The following RHBDL2 variants were observed in gnomAD, a reference collection of about 807,000 sequenced individuals.
RHBDL2 encodes rhomboid-related protein 2.
RHBDL2 carries 26 observed loss-of-function variants against 31.7 expected under a neutral mutation model. The observed-to-expected ratio is 0.82, with a 90% CI of 0.60 to 1.14. RHBDL2 has a LOEUF of 1.14. Among genes scored for constraint, RHBDL2 ranks in the 50% most tolerant of loss-of-function variants. RHBDL2 has a pLI of 0.00. For synonymous variants in RHBDL2, 123 were observed against 127.2 expected (o/e 0.97, Z 0.22); for missense variants, 336 against 364.4 (o/e 0.92, Z 0.63).
In RHBDL2 at chr1:38,918,953, C is replaced by T. The variant is rs61750827; in HGVS notation, c.246+14G>A. 86,175 of 1,606,614 alleles carry T rather than the reference C, an allele frequency of 0.054. 2,671 individuals are homozygous for T. Among genetic ancestry groups the T allele is most frequent in the Non-Finnish European group, 0.061 (71,575 of 1,174,662 alleles). ...ATGCCACTTACCCCGGTGCCCACCC[C>T]GCTCCCCATTCACCTCGGCCAGGCT... On this transcript the variant is annotated intron_variant, in intron 2 of 7. Coordinates refer to ENST00000372990, the MANE Select transcript of RHBDL2 (RefSeq NM_017821.5).
intron 5 of RHBDL2, among the ~76,000 whole-genome samples, 153 bp from the exon 6 acceptor site, chr1:38,893,377 T>C (rs1049374594): frequency 1.3e-5 from 2 of 152,202 alleles, no homozygotes; most frequent in South Asian, 2.1e-4. Context: ...AGTTTTTAAA[T>C]GTATTTGGGA....
At chr1:38,917,504 C>T (rs1322895848) in intron 2 of RHBDL2, among the ~76,000 whole-genome samples, 1 of 152,124 alleles carries the variant, frequency 6.6e-6, no homozygotes. Flanking sequence ...AGGTTTGTAC[C>T]ACGATACCTT....
chr1:38,913,272 C>T (rs902013525), intron 3 of RHBDL2, among the ~76,000 whole-genome samples: 2 of 152,008 alleles, frequency 1.3e-5, no homozygotes, highest in Admixed American at 1.3e-4. Context: ...AGCCACTGCA[C>T]CCAGCCTACT....
chr1:38,938,439 A>G (rs1287052135), intron 1 of RHBDL2, among the ~76,000 whole-genome samples: 3 of 151,796 alleles, frequency 2.0e-5, no homozygotes, highest in East Asian at 3.9e-4. Flanking sequence ...CATTTCCCCA[A>G]ATATACCCTA....
intron 5 of RHBDL2, among the ~76,000 whole-genome samples, 175 bp from the exon 6 acceptor site, chr1:38,893,399 C>T (rs1421146396): frequency 6.6e-6 from 1 of 152,098 alleles, no homozygotes; most frequent in East Asian, 1.9e-4. Context: ...GTACAATGCA[C>T]TTTGGAGAAT....
intron 4 of RHBDL2, 37 bp from the exon 5 acceptor site, chr1:38,896,106 T>C: frequency 7.0e-7 from 1 of 1,430,396 alleles, no homozygotes; most frequent in South Asian, 1.2e-5. Flanking sequence ...GACATGACTA[T>C]ACGGATCAGG....
At chr1:38,925,609 G>C (rs1643366872) in intron 1 of RHBDL2, among the ~76,000 whole-genome samples, 1 of 151,982 alleles carries the variant, frequency 6.6e-6, no homozygotes, top group Non-Finnish European at 1.5e-5. Context: ...TGACACACAT[G>C]GTGGATCTAA....
Position 38,886,538 on chromosome 1 carries a change from A to G in RHBDL2, c.878T>C (p.Val293Ala). ...TGGAGATAGGAAAATGTTGAAAAAC[A>G]CAGCAAATAAGACACAAGCTAAATA... ...AAYLACVLFA[V>A]FFNIFLSPAN Residue 293 changes from valine to alanine, a missense_variant, in exon 8 of 8, where the codon GTG becomes GCG. Coordinates refer to ENST00000372990, the MANE Select transcript of RHBDL2 (RefSeq NM_017821.5). 1 of 1,594,978 alleles carries G rather than the reference A, an allele frequency of 6.3e-7. No individual in the cohort carries two copies. Among genetic ancestry groups the G allele is most frequent in the Non-Finnish European group, 8.6e-7 (1 of 1,168,008 alleles).
chr1:38,926,176 T>C, intron 1 of RHBDL2: 1 of 1,090,272 alleles, frequency 9.2e-7, no homozygotes, highest in Non-Finnish European at 1.1e-6. Flanking sequence ...TTGCTTAGGA[T>C]TTCTGAGGCT....
intron 4 of RHBDL2, among the ~76,000 whole-genome samples, chr1:38,898,222 T>C (rs548769329): frequency 6.6e-6 from 1 of 152,238 alleles, no homozygotes; most frequent in East Asian, 1.9e-4. Context: ...GAGGATCACT[T>C]GAACCTGGGA....
chr1:38,932,140 C>T (rs1407178068), intron 1 of RHBDL2, among the ~76,000 whole-genome samples: 1 of 151,924 alleles, frequency 6.6e-6, no homozygotes, highest in African/African-American at 2.4e-5. Flanking sequence ...ATGAGAAAGC[C>T]CAAGGTGCCC....
At chr1:38,912,004 T>C (rs1407261547) in intron 3 of RHBDL2, among the ~76,000 whole-genome samples, 11 of 150,528 alleles carry the variant, frequency 7.3e-5, no homozygotes, top group Non-Finnish European at 1.6e-4. Flanking sequence ...GGAGTTTTGC[T>C]CTTGTTGCCC....
chr1:38,930,097 C>T (rs60409027), intron 1 of RHBDL2, among the ~76,000 whole-genome samples: 2,975 of 152,182 alleles, frequency 0.02, 93 homozygotes, highest in African/African-American at 0.068. Context: ...TCTCCATGGT[C>T]CACTCTGCGT....
At chr1:38,934,521 G>T (rs1283416658) in intron 1 of RHBDL2, among the ~76,000 whole-genome samples, 1 of 150,364 alleles carries the variant, frequency 6.7e-6, no homozygotes, top group Non-Finnish European at 1.5e-5. Flanking sequence ...GCCAGGAGGG[G>T]TGATGGGCAC....
chr1:38,886,841 C>G (rs912620266), intron 7 of RHBDL2, among the ~76,000 whole-genome samples, 158 bp from the exon 8 acceptor site: 1 of 152,166 alleles, frequency 6.6e-6, no homozygotes, highest in Non-Finnish European at 1.5e-5. Context: ...CACAAAACTC[C>G]ATGTGCACAG....
chr1:38,906,724 G>A (rs938218217), intron 4 of RHBDL2, among the ~76,000 whole-genome samples: 1 of 151,206 alleles, frequency 6.6e-6, no homozygotes, highest in African/African-American at 2.4e-5. Context: ...CTATATACTA[G>A]CAATGAAATT....
chr1:38,893,108 G>A lies in RHBDL2; in HGVS notation c.670+56C>T, dbSNP rs1642874425. 3 of 1,009,508 alleles carry A rather than the reference G, an allele frequency of 3.0e-6. No homozygotes were observed. The South Asian group carries it at 4.4e-5, about 15-fold the overall frequency. The allele number at this position is 1,009,508 out of a possible 1,614,324, so 62.5% of individuals were successfully genotyped here. On this transcript the variant is annotated intron_variant, in intron 6 of 7. Coordinates refer to ENST00000372990, the MANE Select transcript of RHBDL2 (RefSeq NM_017821.5). ...TCCCAAATAAAATGTTTAGAGATTT[G>A]TCTCTATATTTTATTTTCACTTGGA...
At chr1:38,941,450 G>A (rs778839220) in intron 1 of RHBDL2, among the ~76,000 whole-genome samples, 16 of 152,060 alleles carry the variant, frequency 1.1e-4, no homozygotes, top group Non-Finnish European at 1.8e-4. Flanking sequence ...CATTTCCCTC[G>A]GGAAGATAGC....
intron 4 of RHBDL2, 77 bp from the exon 5 acceptor site, chr1:38,896,146 C>T (rs749675045): frequency 1.0e-4 from 116 of 1,139,014 alleles, no homozygotes; most frequent in South Asian, 3.3e-4. Flanking sequence ...CTAAGGTAGA[C>T]ATTTGGGAAG....
Sources: allele counts gnomAD v4.1 joint callset (sites outside exome capture counted in the v4.1 genomes callset), GRCh38; gene constraint gnomAD v4.1.1; transcripts MANE v1.5; gene names NCBI Gene and HGNC (gene_info 2026-07-23, HGNC 2026-07-21).